The following MMS19 variants were observed in gnomAD, a reference collection of about 807,000 sequenced individuals.
MMS19 encodes MMS19 nucleotide excision repair protein homolog.
MMS19 carries 77 observed loss-of-function variants against 129.8 expected under a neutral mutation model. The observed-to-expected ratio is 0.59, with a 90% CI of 0.49 to 0.72. The LOEUF (loss-of-function observed/expected upper bound fraction) is 0.72, where lower values mean the gene tolerates loss of function less well. Among genes scored for constraint, MMS19 ranks in the 30% least tolerant of loss-of-function variants. The pLI is 0.00. For missense variants in MMS19, 1,168 were observed against 1,266.3 expected (o/e 0.92, Z 1.18); for synonymous variants, 491 against 502.8 (o/e 0.98, Z 0.31).
chr10:97,476,645 CAATA>C (rs2035836769), intron 8 of MMS19, 34 bp downstream of exon 8: 2 of 1,602,862 alleles, frequency 1.2e-6, no homozygotes, highest in African/African-American at 2.7e-5. Context: ...AGCAGACACT[CAATA>C]AATATATGAT....
At chr10:97,467,402 C>G in intron 14 of MMS19, 103 bp downstream of exon 14, 1 of 771,764 alleles carries the variant, frequency 1.3e-6, no homozygotes, top group South Asian at 1.7e-5. Flanking sequence ...AGAATAGGAC[C>G]ACTGTTCTAG....
Position 97,462,032 on chromosome 10 carries a change from T to G in MMS19, c.2100A>C (p.Arg700Ser). The G allele has an allele frequency of 1.3e-6, 2 of 1,591,446 alleles. No homozygotes were observed. The highest frequency in any genetic ancestry group is 2.3e-5 in the South Asian group (2 of 87,198). Residue 700 changes from arginine (R) to serine (S), a missense_variant, in exon 21 of 31, where the codon AGA (arginine) becomes AGC (serine). By Grantham distance (110) the Arg-to-Ser change is moderately radical (BLOSUM62 -1). This residue lies in a region of MMS19 where 831 missense variants were observed against 910.8 expected (regional missense o/e 0.91). Coordinates refer to ENST00000438925, the MANE Select transcript of MMS19 (RefSeq NM_022362.5). Reference sequence around the variant, plus strand: ...AGACTGTTACCTGGAATGGCTGGAATCTGCTCGGGAAGCTGTTTTCAGGCA... The same window carrying G: ...AGACTGTTACCTGGAATGGCTGGAAGCTGCTCGGGAAGCTGTTTTCAGGCA... Reference protein sequence around the residue: ...SFLPENSFPSRFQPFQDGSSG... With the variant: ...SFLPENSFPSSFQPFQDGSSG...
At chr10:97,498,591 C>T (rs1178825247), upstream of MMS19, 2 of 598,788 alleles carry the variant, frequency 3.3e-6, no homozygotes, top group Middle Eastern at 4.3e-4. Context: ...GGCTGCTGGG[C>T]ACGCAGCCGG....
intron 11 of MMS19, 80 bp from the exon 12 acceptor site, chr10:97,469,184 T>C (rs369002393): frequency 8.7e-6 from 13 of 1,488,036 alleles, no homozygotes; most frequent in Admixed American, 4.8e-5. Context: ...TATTTCCTTG[T>C]TGGAGAGGGG....
At chr10:97,459,104 T>A (rs1421927926) in intron 29 of MMS19, 119 bp downstream of exon 29, 65 of 1,071,164 alleles carry the variant, frequency 6.1e-5, no homozygotes, top group Non-Finnish European at 7.9e-5. Flanking sequence ...GATCTGTACC[T>A]TGTAATTCAG....
Position 97,469,047 on chromosome 10 carries a change from G to C in MMS19, c.982C>G (p.Leu328Val), listed in dbSNP as rs1284274701. The change falls in exon 12 of 31, where the codon CTG becomes GTG. Residue 328 changes from leucine (L) to valine (V), a missense_variant. By Grantham distance (32) the Leu-to-Val change is conservative. Around this residue, in one of 3 missense-constraint regions of MMS19, gnomAD observed 831 missense variants for 910.8 expected, o/e 0.91. Transcript: ENST00000438925. ...EAEGLAALHS[L>V]TACLSRSVLR... The stretch of plus-strand genomic sequence containing the variant: ...ACAGAGCGAGACAAACACGCAGTCA[G>C]GGAGTGGAGGGCCGCCAGGCCCTCT... The C allele has an allele frequency of 1.3e-6, 2 of 1,583,790 alleles. No homozygotes were observed. Among genetic ancestry groups the C allele is most frequent in the African/African-American group, 1.3e-5 (1 of 74,304 alleles).
Position 97,458,423 on chromosome 10 carries a change from G to A in MMS19, c.*269C>T, listed in dbSNP as rs981083167. On this transcript the variant is annotated 3_prime_UTR_variant, in exon 31 of 31. Coordinates refer to ENST00000438925, the MANE Select transcript of MMS19 (RefSeq NM_022362.5). Reference sequence around the variant, plus strand: ...TGCACTCACCCCTCAGCAGCATATCGCCCCTTTTCTGACATATAAATGCAA... The same window carrying A: ...TGCACTCACCCCTCAGCAGCATATCACCCCTTTTCTGACATATAAATGCAA... The A allele has an allele frequency of 3.4e-5, 16 of 466,308 alleles. No individual in the cohort carries two copies. In the East Asian group the frequency reaches 3.8e-4, roughly 11 times the overall value. 28.9% of individuals were successfully genotyped at this position (466,308 alleles called of 1,614,324 possible).
Position 97,462,029 on chromosome 10 carries a change from G to A in MMS19, c.2103C>T (p.Phe701=). The A allele has an allele frequency of 6.3e-7, 1 of 1,590,788 alleles. No homozygotes were observed. The highest frequency in any genetic ancestry group is 1.1e-5 in the South Asian group (1 of 87,122). ...FLPENSFPSR[F]QPFQDGSSGQ... ...CTAAGACTGTTACCTGGAATGGCTG[G>A]AATCTGCTCGGGAAGCTGTTTTCAG... The change falls in exon 21 of 31, where the codon TTC becomes TTT. Residue 701 remains phenylalanine, a synonymous_variant. Coordinates refer to ENST00000438925, the MANE Select transcript of MMS19 (RefSeq NM_022362.5).
At position 97,468,377 on chromosome 10, in the gene MMS19, T is replaced by C. The variant is rs29001309; in HGVS notation, c.1093A>G (p.Met365Val). ...DCRHHLCEPD[M>V]KLVWPSAKLL... ...TTGGCACTAGGCCACACCAGTTTCA[T>C]GTCCGGTTCACACAGGTGGTGCCTG... The change falls in exon 13 of 31, where the codon ATG becomes GTG. Residue 365 changes from methionine to valine, a missense_variant. By Grantham distance (21) the Met-to-Val change is conservative. Coordinates refer to ENST00000438925, the MANE Select transcript of MMS19 (RefSeq NM_022362.5). The C allele has an allele frequency of 5.6e-6, 9 of 1,611,672 alleles. No homozygotes were observed. Among genetic ancestry groups the C allele is most frequent in the African/African-American group, 5.3e-5 (4 of 74,992 alleles).
At chr10:97,461,139 C>T (rs535105882) in intron 23 of MMS19, 132 bp from the exon 24 acceptor site, 3 of 751,480 alleles carry the variant, frequency 4.0e-6, no homozygotes, top group Admixed American at 2.9e-5. Context: ...TGCCTGTGGA[C>T]AAAATGATTG....
At chr10:97,481,063 G>C (rs372074937) in intron 2 of MMS19, 21 bp from the exon 3 acceptor site, 14 of 1,405,626 alleles carry the variant, frequency 1.0e-5, no homozygotes, top group Non-Finnish European at 1.0e-5. Context: ...ACAGGATAGA[G>C]AGAACCTGCA....
chr10:97,478,479 C>A, intron 3 of MMS19, 90 bp from the exon 4 acceptor site: 1 of 941,422 alleles, frequency 1.1e-6, no homozygotes. Context: ...ACAGTTGTTT[C>A]TGTTTGGGTT....
At chr10:97,470,353 C>A in intron 9 of MMS19, 150 bp from the exon 10 acceptor site, 6 of 653,536 alleles carry the variant, frequency 9.2e-6, no homozygotes, top group Non-Finnish European at 1.6e-5. Context: ...AGCTAACCTT[C>A]CTGCCAAGCA....
chr10:97,488,590 C>G (rs902990002), intron 1 of MMS19, among the ~76,000 whole-genome samples: 1 of 152,210 alleles, frequency 6.6e-6, no homozygotes, highest in East Asian at 1.9e-4. Flanking sequence ...TACTTTAAAT[C>G]ATCTCTAGAT....
At chr10:97,465,446 G>A (rs1044114472) in intron 18 of MMS19, among the ~76,000 whole-genome samples, 1 of 152,248 alleles carries the variant, frequency 6.6e-6, no homozygotes, top group Admixed American at 6.5e-5. Context: ...TGGGATTACA[G>A]GCGCATGCCA....
At chr10:97,498,494 C>T, upstream of MMS19, 2 of 1,475,928 alleles carry the variant, frequency 1.4e-6, no homozygotes, top group Non-Finnish European at 1.8e-6. Context: ...GGCGGGGCGC[C>T]GGGGTCACGT....
intron 6 of MMS19, 87 bp from the exon 7 acceptor site, chr10:97,477,050 C>T: frequency 6.3e-7 from 1 of 1,582,010 alleles, no homozygotes; most frequent in Non-Finnish European, 8.6e-7. Context: ...CCTCTGCTAT[C>T]ATTGCCTCCC....
chr10:97,468,840 C>T, intron 12 of MMS19, 126 bp downstream of exon 12: 1 of 993,510 alleles, frequency 1.0e-6, no homozygotes. Context: ...AACTCCTGAC[C>T]TCAGGTGATC....
Position 97,477,843 on chromosome 10 carries a change from G to A in MMS19, c.423+12C>T. The A allele has an allele frequency of 6.9e-6, 11 of 1,586,592 alleles. No homozygotes were observed. Among genetic ancestry groups the A allele is most frequent in the Non-Finnish European group, 9.4e-6 (11 of 1,167,002 alleles). ...GACAGAGGAGAATACCAACATGACTGTTATCCCTCACCTGTACATGCACTT... is the reference window on the plus strand; with the variant it reads ...GACAGAGGAGAATACCAACATGACTATTATCCCTCACCTGTACATGCACTT... On this transcript the variant is annotated intron_variant, in intron 5 of 30. Coordinates refer to ENST00000438925, the MANE Select transcript of MMS19 (RefSeq NM_022362.5).
Sources: gnomAD v4.1 joint callset for allele counts (sites outside exome capture counted in the v4.1 genomes callset) on GRCh38, gnomAD v4.1.1 for gene constraint, gnomAD v4.1.1 regional missense constraint, MANE v1.5 for transcripts, NCBI Gene and HGNC (gene_info 2026-07-23, HGNC 2026-07-21) for gene names.